Variants in SIPA1L1 observed in about 807,000 individuals in gnomAD.
SIPA1L1 encodes signal induced proliferation associated 1 like 1.
In SIPA1L1, 26 loss-of-function variants were observed where a neutral mutation model predicts 162.7. The observed-to-expected ratio is 0.16, with a 90% CI of 0.12 to 0.22. SIPA1L1 has a LOEUF of 0.22. SIPA1L1 is among the 10% of genes least tolerant of loss of function. The pLI, the probability that SIPA1L1 is intolerant of heterozygous loss-of-function variation, is 1.00. For missense variants in SIPA1L1, 1,874 were observed against 2,241.0 expected (o/e 0.84, Z 3.31); for synonymous variants, 829 against 837.4 (o/e 0.99, Z 0.17).
chr14:71,677,686 A>G (rs1224799712), intron 12 of SIPA1L1, among the ~76,000 whole-genome samples: 1 of 152,216 alleles, frequency 6.6e-6, no homozygotes, highest in African/African-American at 2.4e-5. Flanking sequence ...TCAGCTTCCT[A>G]CATATGGCTA....
intron 2 of SIPA1L1, among the ~76,000 whole-genome samples, chr14:71,334,480 G>A (rs928051497): frequency 3.9e-5 from 6 of 152,106 alleles, no homozygotes; most frequent in Non-Finnish European, 7.4e-5. Flanking sequence ...GGAGAACTTG[G>A]TATGTATGTA....
chr14:71,513,815 G>A (rs1942022755), intron 3 of SIPA1L1, among the ~76,000 whole-genome samples: 2 of 152,126 alleles, frequency 1.3e-5, no homozygotes, highest in Non-Finnish European at 2.9e-5. Flanking sequence ...AGAAATTGGC[G>A]AGTAAGCCAA....
intron 10 of SIPA1L1, among the ~76,000 whole-genome samples, chr14:71,663,274 A>C (rs887637035): frequency 6.6e-6 from 1 of 152,198 alleles, no homozygotes; most frequent in African/African-American, 2.4e-5. Flanking sequence ...GACATCTTAC[A>C]TGGTTTTTTG....
intron 18 of SIPA1L1, among the ~76,000 whole-genome samples, chr14:71,724,362 G>T (rs1234747301): frequency 2.0e-5 from 3 of 152,158 alleles, no homozygotes; most frequent in Non-Finnish European, 4.4e-5. Context: ...TTTGTGCAAA[G>T]GTTGCATTTT....
chr14:71,441,326 ATCTGGTGTGGCCTTCC>A (rs2044835900), intron 2 of SIPA1L1, among the ~76,000 whole-genome samples: 1 of 152,164 alleles, frequency 6.6e-6, no homozygotes, highest in South Asian at 2.1e-4. Context: ...TTTAGATGGG[ATCTGGTGTGGCCTTCC>A]CTAGGCTGGC....
At chr14:71,423,118 C>CT (rs2043307752) in intron 2 of SIPA1L1, among the ~76,000 whole-genome samples, 1 of 152,020 alleles carries the variant, frequency 6.6e-6, no homozygotes, top group South Asian at 2.1e-4. Context: ...ATTTTAATAT[C>CT]TTTTTTGGAG....
intron 2 of SIPA1L1, among the ~76,000 whole-genome samples, chr14:71,437,799 T>C (rs1400463994): frequency 1.3e-5 from 2 of 152,224 alleles, no homozygotes; most frequent in African/African-American, 2.4e-5. Context: ...TATTATATAT[T>C]CTGTAATTAG....
rs528776428 is a variant in SIPA1L1, at chr14:71,567,655, TC to T, written c.-302-19912del. On this transcript the variant is annotated intron_variant, in intron 4 of 23. Transcript: ENST00000381232. Reference sequence around the variant, plus strand: ...GACAATTTCCAGAACTGAGGGTACCTCCCCTTTTTAGACCATATAGGGCAAC... The same window carrying T: ...GACAATTTCCAGAACTGAGGGTACCTCCCTTTTTAGACCATATAGGGCAAC... Among the ~76,000 whole-genome samples the T allele has an allele frequency of 6.4e-4, 97 of 150,786 alleles. 2 individuals are homozygous for T. The highest frequency in any genetic ancestry group is 2.3e-3 in the African/African-American group (94 of 40,828).
At chr14:71,335,428 G>A (rs148102610) in intron 2 of SIPA1L1, among the ~76,000 whole-genome samples, 4 of 152,228 alleles carry the variant, frequency 2.6e-5, no homozygotes, top group African/African-American at 4.8e-5. Flanking sequence ...AGTCAGCAAG[G>A]TTCCACTGGG....
chr14:71,590,036 AAAAAAAAAATATATAT>A (rs1318685143), intron 5 of SIPA1L1, among the ~76,000 whole-genome samples: 88 of 74,360 alleles, frequency 1.2e-3, no homozygotes, highest in African/African-American at 3.4e-3. Flanking sequence ...AAAAAAAAAA[AAAAAAAAAATATATAT>A]ATATATATAT....
At position 71,696,483 on chromosome 14, in the gene SIPA1L1, G is replaced by A. The variant is rs79526827; in HGVS notation, c.3375-2498G>A. ...GCATATTAACTTTCAGTCTGTTACAGTTGCTTTTATTAAATTATTCACAAA... is the reference window on the plus strand; with the variant it reads ...GCATATTAACTTTCAGTCTGTTACAATTGCTTTTATTAAATTATTCACAAA... On this transcript the variant is annotated intron_variant, in intron 13 of 23. Transcript: ENST00000381232. Among the ~76,000 whole-genome samples the A allele has an allele frequency of 8.4e-3, 1,274 of 152,288 alleles. 11 individuals carry two copies. The highest frequency in any genetic ancestry group is 0.025 in the African/African-American group (1,026 of 41,576).
At chr14:71,494,295 C>A (rs2049536664) in intron 2 of SIPA1L1, among the ~76,000 whole-genome samples, 1 of 151,804 alleles carries the variant, frequency 6.6e-6, no homozygotes, top group Non-Finnish European at 1.5e-5. Flanking sequence ...TTTACTAAGG[C>A]TTTTTTTCTT....
intron 2 of SIPA1L1, among the ~76,000 whole-genome samples, chr14:71,337,357 G>A (rs2035203065): frequency 1.3e-5 from 2 of 152,180 alleles, no homozygotes; most frequent in South Asian, 4.1e-4. Context: ...GGCTGTATCA[G>A]TCTCTTCTCA....
chr14:71,399,350 A>G (rs987509092), intron 2 of SIPA1L1, among the ~76,000 whole-genome samples: 37 of 152,252 alleles, frequency 2.4e-4, no homozygotes, highest in African/African-American at 7.2e-4. Context: ...CAAAAGCACC[A>G]TACAAATGTG....
chr14:71,613,971 G>T (rs1299546833), intron 5 of SIPA1L1, among the ~76,000 whole-genome samples: 1 of 152,100 alleles, frequency 6.6e-6, no homozygotes, highest in African/African-American at 2.4e-5. Flanking sequence ...GGAAGCTGAG[G>T]TGGGAAGATC....
intron 5 of SIPA1L1, among the ~76,000 whole-genome samples, chr14:71,602,429 T>C (rs1393972313): frequency 6.6e-6 from 1 of 152,240 alleles, no homozygotes; most frequent in Admixed American, 6.5e-5. Flanking sequence ...AGATACTTGA[T>C]ATTATTTCAA....
chr14:71,491,205 T>C lies in SIPA1L1; in HGVS notation c.-464-21538T>C, dbSNP rs867348794. ...GTCTCTTTAATTTCAGTTTTGTTTTTCCTTCATTACAGCAGGATACTCAAG... is the reference window on the plus strand; with the variant it reads ...GTCTCTTTAATTTCAGTTTTGTTTTCCCTTCATTACAGCAGGATACTCAAG... On this transcript the variant is annotated intron_variant, in intron 2 of 23. Coordinates refer to ENST00000381232, the MANE Select transcript of SIPA1L1 (RefSeq NM_001386936.1). 3.9e-5 allele frequency among the ~76,000 whole-genome samples: 6 copies of C among 152,330 alleles called. No individual in the cohort carries two copies. In the South Asian group the frequency reaches 8.3e-4, roughly 21 times the overall value.
chr14:71,629,228 C>T lies in SIPA1L1; in HGVS notation c.1818+4992C>T, dbSNP rs370650496. On this transcript the variant is annotated intron_variant, in intron 7 of 23. Transcript: ENST00000381232. ...CTGGGATTACAGGCATGAGCCACTGCTCTTGGCCAAAAGTAGATGATTTTT... is the reference window on the plus strand; with the variant it reads ...CTGGGATTACAGGCATGAGCCACTGTTCTTGGCCAAAAGTAGATGATTTTT... Among the ~76,000 whole-genome samples, 16 of 152,346 alleles carry T rather than the reference C, an allele frequency of 1.1e-4. No homozygotes were observed. In the South Asian group the frequency reaches 3.3e-3, roughly 32 times the overall value.
chr14:71,737,142 C>T (rs1383617393), intron 22 of SIPA1L1, among the ~76,000 whole-genome samples: 1 of 152,224 alleles, frequency 6.6e-6, no homozygotes, highest in East Asian at 1.9e-4. Flanking sequence ...GTCACTCCAT[C>T]AGCCCACAGC....
Sources: gnomAD v4.1 joint callset for allele counts (sites outside exome capture counted in the v4.1 genomes callset) on GRCh38, gnomAD v4.1.1 for gene constraint, MANE v1.5 for transcripts, NCBI Gene and HGNC (gene_info 2026-07-23, HGNC 2026-07-21) for gene names.